The following RPS6KC1 variants were observed in gnomAD, a reference collection of about 807,000 sequenced individuals.
RPS6KC1 encodes inactive ribosomal protein S6 kinase delta-1.
Under a neutral mutation model 103.8 loss-of-function variants are expected in RPS6KC1, and 54 were observed. The observed-to-expected ratio is 0.52, with a 90% CI of 0.42 to 0.65. The LOEUF (loss-of-function observed/expected upper bound fraction) is 0.65, where lower values mean the gene tolerates loss of function less well. Ranked by LOEUF, RPS6KC1 falls within the 30% of genes least tolerant of loss-of-function variation. RPS6KC1 has a pLI of 0.00. For synonymous variants in RPS6KC1, 439 were observed against 438.7 expected (o/e 1.00, Z -0.01); for missense variants, 1,151 against 1,253.8 (o/e 0.92, Z 1.24).
chr1:213,722,222 C>T, the RPS6KC1 span, among the ~76,000 whole-genome samples: 6 of 152,110 alleles, frequency 3.9e-5, no homozygotes, highest in South Asian at 2.1e-4. Flanking sequence ...TGCTCATTTC[C>T]TCCAGGAATC....
chr1:213,521,854 A>G, the RPS6KC1 span, among the ~76,000 whole-genome samples: 1 of 152,208 alleles, frequency 6.6e-6, no homozygotes, highest in Admixed American at 6.5e-5. Context: ...TATTTCCACC[A>G]CATCTGCAGT....
the RPS6KC1 span, among the ~76,000 whole-genome samples, chr1:213,779,697 A>C: frequency 6.6e-6 from 1 of 152,230 alleles, no homozygotes; most frequent in African/African-American, 2.4e-5. Context: ...CATTTGGACC[A>C]TGAGAACCAG....
At position 213,217,745 on chromosome 1, in the gene RPS6KC1, C is replaced by T. The variant is rs1433916282; in HGVS notation, c.1045-12752C>T. Among the ~76,000 whole-genome samples, 4 of 152,124 alleles carry T rather than the reference C, an allele frequency of 2.6e-5. No homozygotes were observed. In the East Asian group the frequency reaches 7.7e-4, roughly 29 times the overall value. On this transcript the variant is annotated intron_variant, in intron 8 of 14. Transcript: ENST00000366960. ...ATGCAAATCAATAAACATAATCCAG[C>T]ATATAAACAGAACCAATGACAAAAA...
intron 10 of RPS6KC1, among the ~76,000 whole-genome samples, chr1:213,234,281 G>A (rs2094174480): frequency 1.3e-5 from 2 of 152,132 alleles, no homozygotes; most frequent in Non-Finnish European, 2.9e-5. Context: ...AAAATGCTGG[G>A]ATTGCAGGGG....
intron 12 of RPS6KC1, among the ~76,000 whole-genome samples, chr1:213,243,690 C>T (rs1266792404): frequency 6.6e-6 from 1 of 152,154 alleles, no homozygotes; most frequent in African/African-American, 2.4e-5. Context: ...CTTTTGCTTA[C>T]CATTTAGCCT....
chr1:213,155,558 C>T (rs774210149), intron 6 of RPS6KC1, among the ~76,000 whole-genome samples: 8 of 152,132 alleles, frequency 5.3e-5, no homozygotes, highest in Non-Finnish European at 1.2e-4. Flanking sequence ...TTCAGTACCT[C>T]ACAGTTGCTG....
the RPS6KC1 span, among the ~76,000 whole-genome samples, chr1:213,412,516 T>A: frequency 2.0e-5 from 3 of 152,228 alleles, no homozygotes; most frequent in Non-Finnish European, 2.9e-5. Flanking sequence ...TAGGGGCAAT[T>A]CACACATTTT....
intron 6 of RPS6KC1, among the ~76,000 whole-genome samples, chr1:213,137,752 G>GCGCTCTCTCTCTCTCTCT (rs1553340080): frequency 8.2e-5 from 1 of 12,206 alleles, no homozygotes; most frequent in African/African-American, 1.8e-4. Flanking sequence ...AGTCCAGTTT[G>GCGCTCTCTCTCTCTCTCT]CTCTCTCTCT....
the RPS6KC1 span, among the ~76,000 whole-genome samples, chr1:213,500,667 G>C: frequency 6.6e-6 from 1 of 152,184 alleles, no homozygotes; most frequent in Non-Finnish European, 1.5e-5. Context: ...AGCTAAAGGT[G>C]ATAGGAATTT....
chr1:213,511,321 A>G, the RPS6KC1 span, among the ~76,000 whole-genome samples: 1 of 152,116 alleles, frequency 6.6e-6, no homozygotes, highest in African/African-American at 2.4e-5. Context: ...GGCAGGGGAG[A>G]TGGTGCCCCC....
In RPS6KC1 at chr1:213,079,918, CT is replaced by C. The variant is rs550713502; in HGVS notation, c.262+2117del. ...AGCTTATACCATTTTTTCTTTTTTT[CT>C]TTTTTTTTTTTTTTGAGATGAAATT... On this transcript the variant is annotated intron_variant, in intron 3 of 14. Coordinates refer to ENST00000366960, the MANE Select transcript of RPS6KC1 (RefSeq NM_012424.6). Among the ~76,000 whole-genome samples the C allele has an allele frequency of 3.3e-3, 428 of 130,122 alleles. 1 individual carries two copies. The highest frequency in any genetic ancestry group is 0.029 in the South Asian group (115 of 4,020). The allele number at this position is 130,122 out of a possible 152,430, so 85.4% of individuals were successfully genotyped here.
the RPS6KC1 span, among the ~76,000 whole-genome samples, chr1:213,414,610 A>T: frequency 1.3e-5 from 2 of 152,158 alleles, no homozygotes; most frequent in Non-Finnish European, 2.9e-5. Flanking sequence ...GCCCCTTCTG[A>T]CCACCTGCAT....
chr1:213,665,451 G>A, the RPS6KC1 span, among the ~76,000 whole-genome samples: 1 of 151,328 alleles, frequency 6.6e-6, no homozygotes, highest in Non-Finnish European at 1.5e-5. Context: ...AAAGAAATTA[G>A]AATATAATTT....
the RPS6KC1 span, among the ~76,000 whole-genome samples, chr1:213,665,832 A>C: frequency 6.6e-6 from 1 of 152,236 alleles, no homozygotes; most frequent in Non-Finnish European, 1.5e-5. Context: ...TCCATACTAT[A>C]AAATACTGTG....
At chr1:213,108,729 C>T (rs2082725162) in intron 4 of RPS6KC1, among the ~76,000 whole-genome samples, 1 of 151,018 alleles carries the variant, frequency 6.6e-6, no homozygotes, top group South Asian at 2.1e-4. Flanking sequence ...AATAATAGCT[C>T]ACTTTAACCT....
At chr1:213,416,756 C>A in the RPS6KC1 span, among the ~76,000 whole-genome samples, 1 of 152,182 alleles carries the variant, frequency 6.6e-6, no homozygotes, top group Non-Finnish European at 1.5e-5. Flanking sequence ...TGCCAGAAAC[C>A]ATCTGGCCAG....
the RPS6KC1 span, among the ~76,000 whole-genome samples, chr1:213,322,035 G>A: frequency 1.3e-5 from 2 of 152,208 alleles, no homozygotes; most frequent in African/African-American, 4.8e-5. Context: ...GCCCAGCATG[G>A]TATCTCATGC....
At chr1:213,275,032 TC>T (rs2095108805), downstream of RPS6KC1, among the ~76,000 whole-genome samples, 3 of 152,230 alleles carry the variant, frequency 2.0e-5, no homozygotes, top group South Asian at 6.2e-4. Context: ...CTGTGACTGT[TC>T]TAAGTACTTC....
the RPS6KC1 span, among the ~76,000 whole-genome samples, chr1:213,469,203 A>AT: frequency 6.6e-6 from 1 of 152,150 alleles, no homozygotes; most frequent in African/African-American, 2.4e-5. Flanking sequence ...CAGGATGTAT[A>AT]TTTAGAGTCA....
Sources: gnomAD v4.1 joint callset for allele counts (sites outside exome capture counted in the v4.1 genomes callset) on GRCh38, gnomAD v4.1.1 for gene constraint, MANE v1.5 for transcripts, NCBI Gene and HGNC (gene_info 2026-07-23, HGNC 2026-07-21) for gene names.